Variants in HDAC9 observed in about 807,000 individuals in gnomAD.
HDAC9 encodes MEF-2 interacting transcription repressor (MITR) protein.
HDAC9 carries 41 observed loss-of-function variants against 139.4 expected under a neutral mutation model. The observed-to-expected ratio is 0.29, with a 90% CI of 0.23 to 0.38. HDAC9 has a LOEUF of 0.38. Ranked by LOEUF, HDAC9 falls within the 10% of genes least tolerant of loss-of-function variation. The pLI, the probability that HDAC9 is intolerant of heterozygous loss-of-function variation, is 1.00. For missense variants in HDAC9, 1,147 were observed against 1,297.0 expected, an observed-to-expected ratio of 0.88 and a Z score of 1.78; for synonymous variants, 517 against 476.2, an observed-to-expected ratio of 1.09 and a Z score of -1.12.
chr7:18,320,146 T>A (rs1238820515), intron 1 of HDAC9, among the ~76,000 whole-genome samples: 3 of 152,228 alleles, frequency 2.0e-5, no homozygotes, highest in Non-Finnish European at 4.4e-5. Context: ...TCAACCACAC[T>A]GAGGGGCCCA....
chr7:18,876,542 A>G (rs1386716747), intron 22 of HDAC9, among the ~76,000 whole-genome samples: 1 of 152,214 alleles, frequency 6.6e-6, no homozygotes, highest in Non-Finnish European at 1.5e-5. Flanking sequence ...AACTCTTCAC[A>G]TATCTTATAG....
intron 2 of HDAC9, among the ~76,000 whole-genome samples, chr7:18,507,333 G>A (rs930555652): frequency 8.0e-5 from 12 of 150,490 alleles, no homozygotes; most frequent in African/African-American, 2.9e-4. Flanking sequence ...TGGAACTACA[G>A]GCGCCCGCCA....
Position 18,496,034 on chromosome 7 carries a change from T to C in HDAC9, c.-42+11T>C, listed in dbSNP as rs1258349120. 3 of 1,433,466 alleles carry C rather than the reference T, an allele frequency of 2.1e-6. No individual in the cohort carries two copies. Among genetic ancestry groups the C allele is most frequent in the East Asian group, 2.5e-5 (1 of 39,968 alleles). 88.8% of individuals were successfully genotyped at this position (1,433,466 alleles called of 1,614,324 possible). A position where few individuals can be genotyped will look rare whatever the true frequency, so the allele number is the denominator to read the frequency against. ...CTGCTTTGCACACAGGTTGGTAACATGGGAAAAGTGTCCAGGTCTTTTTAA... is the reference window on the plus strand; with the variant it reads ...CTGCTTTGCACACAGGTTGGTAACACGGGAAAAGTGTCCAGGTCTTTTTAA... On this transcript the variant is annotated intron_variant, in intron 1 of 25. Transcript: ENST00000686413.
At chr7:18,197,381 A>G (rs1489003742) in intron 2 of HDAC9, among the ~76,000 whole-genome samples, 1 of 152,198 alleles carries the variant, frequency 6.6e-6, no homozygotes, top group South Asian at 2.1e-4. Flanking sequence ...AGGGCAGTCA[A>G]TTTTGATGGA....
chr7:18,281,370 A>G (rs1373380893), intron 2 of HDAC9, among the ~76,000 whole-genome samples: 1 of 152,186 alleles, frequency 6.6e-6, no homozygotes, highest in Non-Finnish European at 1.5e-5. Flanking sequence ...TCCTGTTCAG[A>G]TTTACTCTGC....
At chr7:18,976,005 C>T (rs1784525587) in intron 25 of HDAC9, 52 bp downstream of exon 25, 25 of 1,560,402 alleles carry the variant, frequency 1.6e-5, no homozygotes, top group South Asian at 5.9e-5. Flanking sequence ...CCAGGCTCAT[C>T]GTTGATATTT....
intron 1 of HDAC9, among the ~76,000 whole-genome samples, chr7:18,444,827 C>G (rs1274631316): frequency 6.6e-6 from 1 of 152,218 alleles, no homozygotes; most frequent in Non-Finnish European, 1.5e-5. Flanking sequence ...TAAGCCTGTT[C>G]TTGACCATTA....
intron 2 of HDAC9, among the ~76,000 whole-genome samples, chr7:18,170,970 C>G (rs1788385851): frequency 6.6e-6 from 1 of 152,086 alleles, no homozygotes; most frequent in African/African-American, 2.4e-5. Context: ...TAGTTTCTTC[C>G]AATTCTGTGA....
At chr7:18,761,373 A>G (rs908321466) in intron 14 of HDAC9, among the ~76,000 whole-genome samples, 2 of 152,250 alleles carry the variant, frequency 1.3e-5, no homozygotes, top group South Asian at 2.1e-4. Flanking sequence ...GAGTGTCTCA[A>G]ACAGTGTCTG....
chr7:18,443,058 A>G (rs1791936091), intron 1 of HDAC9, among the ~76,000 whole-genome samples: 1 of 152,236 alleles, frequency 6.6e-6, no homozygotes, highest in Non-Finnish European at 1.5e-5. Context: ...ATAAACAGAA[A>G]GAGAATTAAT....
intron 21 of HDAC9, among the ~76,000 whole-genome samples, chr7:18,862,833 TA>T (rs1798215535): frequency 6.6e-6 from 1 of 152,180 alleles, no homozygotes; most frequent in Non-Finnish European, 1.5e-5. Context: ...AGAGAAAAGC[TA>T]TGTAGATTCA....
chr7:18,567,107 A>G (rs568018956), intron 2 of HDAC9, among the ~76,000 whole-genome samples: 1 of 152,164 alleles, frequency 6.6e-6, no homozygotes, highest in Non-Finnish European at 1.5e-5. Context: ...AGACATGCCC[A>G]GTAGTTTTTG....
chr7:18,204,114 G>C (rs1306840316), intron 2 of HDAC9, among the ~76,000 whole-genome samples: 2 of 151,994 alleles, frequency 1.3e-5, no homozygotes, highest in Non-Finnish European at 2.9e-5. Context: ...CATTAGTGGG[G>C]AAAGGTAAAA....
intron 25 of HDAC9, among the ~76,000 whole-genome samples, chr7:18,978,262 A>T (rs1262184276): frequency 2.0e-5 from 3 of 152,156 alleles, no homozygotes; most frequent in Non-Finnish European, 1.5e-5. Flanking sequence ...GACTCATTTC[A>T]TACTAAGATT....
At chr7:18,656,793 T>C (rs1791354350) in intron 11 of HDAC9, among the ~76,000 whole-genome samples, 2 of 152,130 alleles carry the variant, frequency 1.3e-5, no homozygotes, top group African/African-American at 2.4e-5. Context: ...TTCTTTTAGG[T>C]ATATGCCTAG....
chr7:18,806,238 T>C (rs757939273), intron 17 of HDAC9, among the ~76,000 whole-genome samples: 89 of 152,214 alleles, frequency 5.8e-4, no homozygotes, highest in Non-Finnish European at 1.1e-3. Flanking sequence ...CTATAACAAA[T>C]TACCCCAAAT....
rs71014311 is a variant in HDAC9, at chr7:18,143,792, C to CAAAAAAAA, written c.-96-18430_-96-18423dup. Among the ~76,000 whole-genome samples, 325 of 122,560 alleles carry CAAAAAAAA rather than the reference C, an allele frequency of 2.7e-3. 2 individuals are homozygous for CAAAAAAAA. The highest frequency in any genetic ancestry group is 9.6e-3 in the Middle Eastern group (2 of 208). The allele number at this position is 122,560 out of a possible 152,430, so 80.4% of individuals were successfully genotyped here. A position where few individuals can be genotyped will look rare whatever the true frequency, so the allele number is the denominator to read the frequency against. ...TGGGTGACAGAGCGAGACTCCATCT[C>CAAAAAAAA]AAAAAAAAAAAAAAGAGTGTCTCTT... On this transcript the variant is annotated intron_variant, in intron 1 of 12. Coordinates refer to the HDAC9 transcript ENST00000417496.
chr7:18,206,566 G>A (rs1791526209), intron 2 of HDAC9, among the ~76,000 whole-genome samples: 1 of 152,124 alleles, frequency 6.6e-6, no homozygotes, highest in Non-Finnish European at 1.5e-5. Flanking sequence ...GTGGGGATGT[G>A]GGGGAGGGTG....
chr7:18,281,561 A>G (rs1797108147), intron 2 of HDAC9, among the ~76,000 whole-genome samples: 1 of 152,218 alleles, frequency 6.6e-6, no homozygotes, highest in South Asian at 2.1e-4. Context: ...CCAAAGCTTC[A>G]GCGTAGAAGA....
Sources: gnomAD v4.1 joint callset for allele counts (sites outside exome capture counted in the v4.1 genomes callset) on GRCh38, gnomAD v4.1.1 for gene constraint, MANE v1.5 for transcripts, NCBI Gene and HGNC (gene_info 2026-07-23, HGNC 2026-07-21) for gene names.